The following SRGAP1 variants were observed in gnomAD, a reference collection of about 807,000 sequenced individuals.
The protein encoded by SRGAP1 is SLIT-ROBO Rho GTPase-activating protein 1.
SRGAP1 carries 43 observed loss-of-function variants against 121.9 expected under a neutral mutation model. The ratio of observed to expected loss-of-function variants is 0.35; its 90% CI spans 0.28 to 0.46. SRGAP1 has a LOEUF of 0.46. Ranked by LOEUF, SRGAP1 falls within the 20% of genes least tolerant of loss-of-function variation. SRGAP1 has a pLI of 1.00. For missense variants in SRGAP1, 1,102 were observed against 1,350.9 expected (o/e 0.82, Z 2.89); for synonymous variants, 447 against 485.4 (o/e 0.92, Z 1.04).
At chr12:64,100,048 A>C (rs1344286361) in intron 15 of SRGAP1, among the ~76,000 whole-genome samples, 2 of 152,176 alleles carry the variant, frequency 1.3e-5, no homozygotes, top group Admixed American at 1.3e-4. Context: ...TACTTCATAG[A>C]GTCTATGTGA....
chr12:63,970,775 G>C (rs1016044560), intron 1 of SRGAP1, among the ~76,000 whole-genome samples: 1 of 152,012 alleles, frequency 6.6e-6, no homozygotes, highest in African/African-American at 2.4e-5. Flanking sequence ...TTAAAAATCT[G>C]TTGTTCCCTA....
At chr12:64,028,112 TC>T (rs2034694015) in intron 4 of SRGAP1, among the ~76,000 whole-genome samples, 1 of 152,264 alleles carries the variant, frequency 6.6e-6, no homozygotes, top group Non-Finnish European at 1.5e-5. Context: ...GCATGTGCTT[TC>T]CCCTTCAACA....
intron 3 of SRGAP1, among the ~76,000 whole-genome samples, chr12:64,012,740 G>A (rs2034288705): frequency 6.6e-6 from 1 of 151,078 alleles, no homozygotes; most frequent in South Asian, 2.1e-4. Flanking sequence ...TTCTAGAGAT[G>A]GAGTTTCCCC....
At chr12:64,056,778 C>G (rs1005946831) in intron 6 of SRGAP1, among the ~76,000 whole-genome samples, 1 of 152,112 alleles carries the variant, frequency 6.6e-6, no homozygotes, top group South Asian at 2.1e-4. Context: ...AACCACCAAG[C>G]TTTTTCTCGC....
At chr12:64,095,284 T>C in intron 14 of SRGAP1, 80 bp downstream of exon 14, 1 of 1,257,186 alleles carries the variant, frequency 8.0e-7, no homozygotes, top group Admixed American at 1.8e-5. Context: ...ACCCTTATTC[T>C]GTATATCCTC....
intron 4 of SRGAP1, among the ~76,000 whole-genome samples, chr12:64,031,423 T>C (rs1235245112): frequency 6.6e-6 from 1 of 151,978 alleles, no homozygotes; most frequent in Non-Finnish European, 1.5e-5. Flanking sequence ...TACTATGAGA[T>C]AAAAATTTGA....
rs569166134 is a variant in SRGAP1 at position 63,977,049 on chromosome 12, C to T, written c.68-6898C>T. Among the ~76,000 whole-genome samples the T allele has an allele frequency of 5.0e-3, 752 of 151,758 alleles. 3 individuals carry two copies. Among genetic ancestry groups the T allele is most frequent in the Non-Finnish European group, 7.7e-3 (520 of 67,904 alleles). ...TGATTCACTTAAAAAAAAAAAAGCT[C>T]ACTTTTATGGAATTTTTGCCTGCTC... On this transcript the variant is annotated intron_variant, in intron 1 of 21. Coordinates refer to ENST00000355086, the MANE Select transcript of SRGAP1 (RefSeq NM_020762.4).
chr12:63,964,455 C>T (rs1184549783), intron 1 of SRGAP1, among the ~76,000 whole-genome samples: 3 of 152,090 alleles, frequency 2.0e-5, no homozygotes, highest in Non-Finnish European at 4.4e-5. Context: ...GATGAAGTCA[C>T]TTGAGCCCTA....
intron 2 of SRGAP1, among the ~76,000 whole-genome samples, chr12:63,989,688 A>G (rs965448310): frequency 1.3e-5 from 2 of 152,226 alleles, no homozygotes; most frequent in Non-Finnish European, 2.9e-5. Flanking sequence ...TCATGGTCCA[A>G]GTTTTTCCTT....
At chr12:63,976,883 C>T (rs1301234571) in intron 1 of SRGAP1, among the ~76,000 whole-genome samples, 1 of 152,028 alleles carries the variant, frequency 6.6e-6, no homozygotes. Context: ...GATCTCCTAC[C>T]CATCCAGAAT....
intron 1 of SRGAP1, among the ~76,000 whole-genome samples, chr12:63,873,069 G>A (rs188832828): frequency 2.6e-5 from 4 of 152,304 alleles, no homozygotes; most frequent in Admixed American, 2.6e-4. Flanking sequence ...CTTGAGCAGA[G>A]TAGTAAAAGA....
chr12:63,941,838 C>A (rs1216744818), intron 1 of SRGAP1, among the ~76,000 whole-genome samples: 2 of 152,130 alleles, frequency 1.3e-5, no homozygotes, highest in Non-Finnish European at 2.9e-5. Flanking sequence ...TAGAATGACC[C>A]CACCTGGCTG....
Position 64,127,853 on chromosome 12 carries a change from A to T in SRGAP1, c.2541-8A>T. The stretch of plus-strand genomic sequence containing the variant: ...TTCTGTTTTCTCCCTGTTTCTGTGA[A>T]TGTCTAGGCAACGAAAAAGAGGAGA... On this transcript the variant is annotated splice_region_variant and splice_polypyrimidine_tract_variant and intron_variant, in intron 20 of 21. Transcript: ENST00000355086. The T allele has an allele frequency of 6.2e-7, 1 of 1,604,900 alleles. No homozygotes were observed. The highest frequency in any genetic ancestry group is 8.5e-7 in the Non-Finnish European group (1 of 1,174,434).
intron 16 of SRGAP1, among the ~76,000 whole-genome samples, chr12:64,110,964 T>C (rs527981157): frequency 9.8e-5 from 15 of 152,322 alleles, no homozygotes; most frequent in African/African-American, 3.6e-4. Flanking sequence ...TTACATTTCC[T>C]TTCAAGATTG....
intron 1 of SRGAP1, among the ~76,000 whole-genome samples, chr12:63,881,727 T>C (rs986235403): frequency 2.0e-5 from 3 of 152,204 alleles, no homozygotes; most frequent in African/African-American, 7.2e-5. Flanking sequence ...ATGACACCCT[T>C]TAGAGTACCA....
intron 21 of SRGAP1, among the ~76,000 whole-genome samples, chr12:64,129,678 A>G (rs951786313): frequency 6.6e-6 from 1 of 152,236 alleles, no homozygotes; most frequent in Non-Finnish European, 1.5e-5. Flanking sequence ...GTCCTTTCCT[A>G]TAACCGGAAA....
intron 18 of SRGAP1, among the ~76,000 whole-genome samples, chr12:64,117,873 C>T (rs2036547944): frequency 6.6e-6 from 1 of 152,190 alleles, no homozygotes; most frequent in African/African-American, 2.4e-5. Flanking sequence ...CTGTGTCTGG[C>T]TTATTTCACT....
At chr12:64,077,201 C>G (rs533832178) in intron 8 of SRGAP1, among the ~76,000 whole-genome samples, 35 of 152,110 alleles carry the variant, frequency 2.3e-4, no homozygotes, top group Non-Finnish European at 4.3e-4. Context: ...CCTTCTCACT[C>G]AACAGGAACA....
At chr12:64,000,590 G>T (rs1322915449) in intron 3 of SRGAP1, among the ~76,000 whole-genome samples, 1 of 152,080 alleles carries the variant, frequency 6.6e-6, no homozygotes, top group African/African-American at 2.4e-5. Flanking sequence ...TCTGGCCTGG[G>T]CATCAGAGTG....
Sources: allele counts gnomAD v4.1 joint callset (sites outside exome capture counted in the v4.1 genomes callset), GRCh38; gene constraint gnomAD v4.1.1; transcripts MANE v1.5; gene names NCBI Gene and HGNC (gene_info 2026-07-23, HGNC 2026-07-21).